BMPR1B: variants seen among roughly 807,000 people sequenced by gnomAD.
BMPR1B encodes the protein bone morphogenetic protein receptor type-1B.
Under a neutral mutation model 59.1 loss-of-function variants are expected in BMPR1B, and 12 were observed. The ratio of observed to expected loss-of-function variants is 0.20; its 90% CI spans 0.13 to 0.33. The LOEUF is 0.33. Among genes scored for constraint, BMPR1B ranks in the 10% least tolerant of loss-of-function variants. The pLI, the probability that BMPR1B is intolerant of heterozygous loss-of-function variation, is 1.00. For missense variants in BMPR1B, 550 were observed against 610.9 expected, an observed-to-expected ratio of 0.90 and a Z score of 1.05; for synonymous variants, 237 against 207.3, an observed-to-expected ratio of 1.14 and a Z score of -1.23.
At chr4:95,031,696 CT>C (rs1344829498) in intron 3 of BMPR1B, among the ~76,000 whole-genome samples, 1 of 152,082 alleles carries the variant, frequency 6.6e-6, no homozygotes, top group East Asian at 1.9e-4. Context: ...AAAACAACTC[CT>C]TGATTCACCA....
chr4:95,108,083 T>A (rs1349643347), intron 4 of BMPR1B, among the ~76,000 whole-genome samples: 1 of 152,060 alleles, frequency 6.6e-6, no homozygotes, highest in African/African-American at 2.4e-5. Flanking sequence ...AATAAAAAAA[T>A]TCTTAGAAAA....
chr4:95,085,989 C>CTGTGTG (rs3068102), intron 3 of BMPR1B, among the ~76,000 whole-genome samples: 2,255 of 149,816 alleles, frequency 0.015, 17 homozygotes, highest in Non-Finnish European at 0.022. Context: ...GTGTGTGTAC[C>CTGTGTG]TGTGTGTGTG....
At chr4:95,077,333 C>A (rs1025731643) in intron 3 of BMPR1B, among the ~76,000 whole-genome samples, 6 of 152,100 alleles carry the variant, frequency 3.9e-5, no homozygotes, top group Non-Finnish European at 7.4e-5. Context: ...ATTATATAGG[C>A]CTCAGTCATT....
chr4:95,099,946 G>A (rs1730703035), intron 3 of BMPR1B, among the ~76,000 whole-genome samples: 1 of 152,116 alleles, frequency 6.6e-6, no homozygotes, highest in Non-Finnish European at 1.5e-5. Context: ...AGTCCCCTGT[G>A]TTCTCATTAC....
chr4:95,131,879 G>C (rs895267689), intron 10 of BMPR1B, among the ~76,000 whole-genome samples: 2 of 152,162 alleles, frequency 1.3e-5, no homozygotes, highest in Admixed American at 1.3e-4. Flanking sequence ...ATTTTTATAT[G>C]GTATAGGAAA....
chr4:94,846,109 C>T (rs1384415230), intron 1 of BMPR1B, among the ~76,000 whole-genome samples: 1 of 152,156 alleles, frequency 6.6e-6, no homozygotes, highest in East Asian at 1.9e-4. Context: ...GGCATAAAAA[C>T]AGATACATGT....
chr4:95,149,050 G>A (rs1579165670), intron 11 of BMPR1B, 127 bp downstream of exon 11: 1 of 1,250,282 alleles, frequency 8.0e-7, no homozygotes, highest in South Asian at 1.2e-5. Context: ...TATTTCTGTT[G>A]ATGCAGTCAT....
chr4:95,149,020 T>A, intron 11 of BMPR1B, 97 bp downstream of exon 11: 1 of 1,488,120 alleles, frequency 6.7e-7, no homozygotes, highest in Non-Finnish European at 9.3e-7. Flanking sequence ...GTCTATAAGA[T>A]CTGGTTTTAT....
intron 1 of BMPR1B, among the ~76,000 whole-genome samples, chr4:94,796,050 T>A (rs543233289): frequency 6.6e-6 from 1 of 151,614 alleles, no homozygotes; most frequent in African/African-American, 2.4e-5. Flanking sequence ...CTGCAACCTC[T>A]ACCTCCTGGG....
intron 2 of BMPR1B, among the ~76,000 whole-genome samples, chr4:94,905,318 G>A (rs1261032499): frequency 6.6e-6 from 1 of 152,018 alleles, no homozygotes; most frequent in African/African-American, 2.4e-5. Flanking sequence ...TCTAGAACAT[G>A]TAGACCTTAT....
intron 3 of BMPR1B, among the ~76,000 whole-genome samples, chr4:95,045,870 G>A (rs1325531577): frequency 6.6e-6 from 1 of 152,092 alleles, no homozygotes; most frequent in Non-Finnish European, 1.5e-5. Context: ...AATAGTGAAT[G>A]TTTTTTAGAT....
chr4:95,153,096 GCAT>G (rs1735173057), intron 12 of BMPR1B, among the ~76,000 whole-genome samples: 1 of 151,966 alleles, frequency 6.6e-6, no homozygotes, highest in Non-Finnish European at 1.5e-5. Context: ...TGTTTTTAAA[GCAT>G]CATAATTTTT....
At chr4:94,994,606 T>C (rs1464098600) in intron 2 of BMPR1B, among the ~76,000 whole-genome samples, 1 of 152,200 alleles carries the variant, frequency 6.6e-6, no homozygotes, top group Non-Finnish European at 1.5e-5. Context: ...GTGTCGACAA[T>C]AAGTTAATTC....
chr4:95,117,672 G>A (rs1203928568), intron 6 of BMPR1B, among the ~76,000 whole-genome samples: 1 of 152,084 alleles, frequency 6.6e-6, no homozygotes, highest in Non-Finnish European at 1.5e-5. Context: ...TGTAGTTGCA[G>A]CTACTAGGGA....
intron 2 of BMPR1B, among the ~76,000 whole-genome samples, chr4:94,977,434 G>C (rs1380824509): frequency 2.0e-5 from 3 of 148,868 alleles, no homozygotes; most frequent in Non-Finnish European, 4.4e-5. Context: ...TCTCTGGAGT[G>C]ACAGGGAATG....
chr4:95,073,897 A>G, intron 3 of BMPR1B, among the ~76,000 whole-genome samples: 1 of 152,174 alleles, frequency 6.6e-6, no homozygotes, highest in Non-Finnish European at 1.5e-5. Flanking sequence ...GAAAGATAAA[A>G]ACACTTTTAA....
intron 3 of BMPR1B, among the ~76,000 whole-genome samples, chr4:95,095,884 T>C (rs1380242822): frequency 6.6e-6 from 1 of 151,906 alleles, no homozygotes; most frequent in Non-Finnish European, 1.5e-5. Context: ...TTTTTATTTA[T>C]GATATTTTTG....
At chr4:95,053,100 C>G (rs1226440940) in intron 3 of BMPR1B, among the ~76,000 whole-genome samples, 2 of 152,292 alleles carry the variant, frequency 1.3e-5, no homozygotes, top group Middle Eastern at 6.8e-3. Context: ...ATGCTACAGA[C>G]AGAATCTTTG....
At chr4:94,849,647 C>T (rs1725488433) in intron 1 of BMPR1B, among the ~76,000 whole-genome samples, 1 of 151,810 alleles carries the variant, frequency 6.6e-6, no homozygotes, top group South Asian at 2.1e-4. Context: ...GATGGGATCT[C>T]ATGCAAAAAC....
Sources: allele counts gnomAD v4.1 joint callset (sites outside exome capture counted in the v4.1 genomes callset), GRCh38; gene constraint gnomAD v4.1.1; transcripts MANE v1.5; gene names NCBI Gene and HGNC (gene_info 2026-07-23, HGNC 2026-07-21).